Variants in AUTS2 observed in about 807,000 individuals in gnomAD.
AUTS2 encodes activator of transcription and developmental regulator AUTS2.
In AUTS2, 17 loss-of-function variants were observed where a neutral mutation model predicts 112.4. The ratio of observed to expected loss-of-function variants is 0.15; its 90% CI spans 0.10 to 0.23. The LOEUF (loss-of-function observed/expected upper bound fraction) is 0.23. AUTS2 is among the 10% of genes least tolerant of loss of function. The pLI is 1.00. For missense variants in AUTS2, 1,510 were observed against 1,701.6 expected, an observed-to-expected ratio of 0.89 and a Z score of 1.98; for synonymous variants, 751 against 702.7, an observed-to-expected ratio of 1.07 and a Z score of -1.09.
intron 4 of AUTS2, among the ~76,000 whole-genome samples, chr7:70,431,547 G>A (rs1027469998): frequency 2.6e-5 from 4 of 152,098 alleles, no homozygotes; most frequent in Non-Finnish European, 4.4e-5. Flanking sequence ...CACCACGCCC[G>A]GCTAATTTTT....
At chr7:70,760,686 A>G (rs549286204) in intron 6 of AUTS2, among the ~76,000 whole-genome samples, 1 of 152,234 alleles carries the variant, frequency 6.6e-6, no homozygotes, top group Non-Finnish European at 1.5e-5. Context: ...TGCTAGCTGG[A>G]TGGGGACCTA....
intron 4 of AUTS2, among the ~76,000 whole-genome samples, chr7:70,216,992 C>T (rs772655347): frequency 6.6e-6 from 1 of 152,108 alleles, no homozygotes; most frequent in Non-Finnish European, 1.5e-5. Flanking sequence ...TCACTGTGAC[C>T]TCCACCTCCC....
At chr7:70,118,336 TTTAGAAC>T (rs1410046253) in intron 3 of AUTS2, 103 bp downstream of exon 3, 2 of 1,309,194 alleles carry the variant, frequency 1.5e-6, no homozygotes, top group Non-Finnish European at 2.0e-6. Flanking sequence ...TTCCCTCATC[TTTAGAAC>T]TTTTTGTCTA....
chr7:70,152,595 G>A (rs1365877434), intron 4 of AUTS2, among the ~76,000 whole-genome samples: 1 of 152,070 alleles, frequency 6.6e-6, no homozygotes, highest in Non-Finnish European at 1.5e-5. Context: ...GTTTTGCAAA[G>A]TTTGTATCTG....
chr7:70,447,144 G>A (rs1796350878), intron 5 of AUTS2, among the ~76,000 whole-genome samples: 1 of 152,204 alleles, frequency 6.6e-6, no homozygotes, highest in Non-Finnish European at 1.5e-5. Context: ...TCCTCATTAT[G>A]GCAGAACCCA....
At chr7:69,807,391 A>C (rs906872431) in intron 1 of AUTS2, among the ~76,000 whole-genome samples, 1 of 152,168 alleles carries the variant, frequency 6.6e-6, no homozygotes, top group Non-Finnish European at 1.5e-5. Flanking sequence ...AACTTTTACT[A>C]TCTTAGTTTA....
At chr7:70,055,739 T>C (rs1801962801) in intron 2 of AUTS2, among the ~76,000 whole-genome samples, 1 of 152,214 alleles carries the variant, frequency 6.6e-6, no homozygotes, top group African/African-American at 2.4e-5. Context: ...TTGTTAGTCT[T>C]TTCCCTCTAA....
intron 3 of AUTS2, among the ~76,000 whole-genome samples, chr7:70,121,150 A>G (rs1003927253): frequency 6.6e-6 from 1 of 152,218 alleles, no homozygotes; most frequent in African/African-American, 2.4e-5. Context: ...TCTATGTGCA[A>G]AAGAATGAAA....
At chr7:69,872,834 CTTTTTTTTT>C (rs1164356683) in intron 1 of AUTS2, among the ~76,000 whole-genome samples, 26 of 70,406 alleles carry the variant, frequency 3.7e-4, no homozygotes, top group African/African-American at 9.3e-4. Flanking sequence ...AGCCTATATT[CTTTTTTTTT>C]TTTTTTTTTT....
intron 4 of AUTS2, among the ~76,000 whole-genome samples, chr7:70,419,865 G>GT (rs1387792276): frequency 1.3e-5 from 2 of 152,168 alleles, no homozygotes; most frequent in African/African-American, 4.8e-5. Context: ...TACTAGTGAG[G>GT]TGGAACATTT....
chr7:70,191,786 C>T (rs1372407252), intron 4 of AUTS2, among the ~76,000 whole-genome samples: 1 of 151,966 alleles, frequency 6.6e-6, no homozygotes, highest in Non-Finnish European at 1.5e-5. Flanking sequence ...AAAGGCCAGG[C>T]CCGGTGGCTC....
chr7:70,779,140 C>G (rs1290510421), intron 14 of AUTS2, among the ~76,000 whole-genome samples: 5 of 152,094 alleles, frequency 3.3e-5, no homozygotes, highest in Admixed American at 3.3e-4. Context: ...ATAATTTGGC[C>G]ACCAAATTAA....
intron 1 of AUTS2, among the ~76,000 whole-genome samples, chr7:69,894,127 C>A (rs550344301): frequency 2.6e-5 from 4 of 152,192 alleles, no homozygotes; most frequent in Non-Finnish European, 4.4e-5. Context: ...TACACTTACC[C>A]CCTCTATTGA....
At chr7:70,367,041 C>G (rs1288178415) in intron 4 of AUTS2, among the ~76,000 whole-genome samples, 1 of 152,024 alleles carries the variant, frequency 6.6e-6, no homozygotes, top group African/African-American at 2.4e-5. Flanking sequence ...TTCCAGCACT[C>G]TGGGTGGCTG....
At position 70,459,507 on chromosome 7, in the gene AUTS2, G is replaced by T. The variant is rs533626172; in HGVS notation, c.690+23726G>T. 4.6e-5 allele frequency among the ~76,000 whole-genome samples: 7 copies of T among 152,278 alleles called. No homozygotes were observed. In the South Asian group the frequency reaches 1.5e-3, roughly 32 times the overall value. ...AGCTGTCATACATAGTCCAGGGTCCGTGTGAGCCCCAGCTCTTTTAAAACT... is the reference window on the plus strand; with the variant it reads ...AGCTGTCATACATAGTCCAGGGTCCTTGTGAGCCCCAGCTCTTTTAAAACT... On this transcript the variant is annotated intron_variant, in intron 5 of 18. Coordinates refer to ENST00000342771, the MANE Select transcript of AUTS2 (RefSeq NM_015570.4).
At chr7:69,607,669 G>A (rs1038443353) in intron 1 of AUTS2, among the ~76,000 whole-genome samples, 5 of 152,086 alleles carry the variant, frequency 3.3e-5, no homozygotes, top group Admixed American at 3.3e-4. Flanking sequence ...TGACTTAACT[G>A]TCATTTTAGC....
At chr7:70,488,246 T>C (rs1001196592) in intron 5 of AUTS2, among the ~76,000 whole-genome samples, 1 of 152,184 alleles carries the variant, frequency 6.6e-6, no homozygotes, top group Non-Finnish European at 1.5e-5. Context: ...TGGGCACCAG[T>C]GTGGCTATGG....
intron 5 of AUTS2, among the ~76,000 whole-genome samples, chr7:70,485,362 A>C (rs955679395): frequency 7.2e-5 from 11 of 152,210 alleles, no homozygotes; most frequent in Non-Finnish European, 1.5e-4. Flanking sequence ...AAGTGAAGTA[A>C]TTCAAGAATG....
At chr7:69,604,211 A>C (rs1309780405) in intron 1 of AUTS2, among the ~76,000 whole-genome samples, 1 of 152,208 alleles carries the variant, frequency 6.6e-6, no homozygotes, top group Non-Finnish European at 1.5e-5. Flanking sequence ...CATCAGTAGC[A>C]TAAGTGGGCT....
Sources: allele counts gnomAD v4.1 joint callset (sites outside exome capture counted in the v4.1 genomes callset), GRCh38; gene constraint gnomAD v4.1.1; transcripts MANE v1.5; gene names NCBI Gene and HGNC (gene_info 2026-07-23, HGNC 2026-07-21).